Variants in TTC19 observed in about 807,000 individuals in gnomAD.
The protein encoded by TTC19 is tetratricopeptide repeat domain 19, also known as tetratricopeptide repeat protein 19, mitochondrial.
Under a neutral mutation model 49.5 loss-of-function variants are expected in TTC19, and 38 were observed. The ratio of observed to expected loss-of-function variants is 0.77; its 90% CI spans 0.59 to 1.01. TTC19 has a LOEUF of 1.01. Ranked by LOEUF, TTC19 falls within the 50% of genes least tolerant of loss-of-function variation. The pLI is 0.00. For missense variants in TTC19, 475 were observed against 477.7 expected, an observed-to-expected ratio of 0.99 and a Z score of 0.05; for synonymous variants, 204 against 185.2, an observed-to-expected ratio of 1.10 and a Z score of -0.83.
Position 16,027,667 on chromosome 17 carries a change from G to T in TTC19, c.*145G>T, listed in dbSNP as rs771164071. On this transcript the variant is annotated 3_prime_UTR_variant, in exon 10 of 10. Transcript: ENST00000261647. ...ATTTAGCCTTAGTGAAGGAGGGGTT[G>T]TACACACTGCCATTTTTGTATTTTA... The T allele has an allele frequency of 1.1e-6, 1 of 896,758 alleles. No homozygotes were observed. The highest frequency in any genetic ancestry group is 1.8e-6 in the Non-Finnish European group (1 of 561,274). 55.6% of individuals were successfully genotyped at this position (896,758 alleles called of 1,614,324 possible).
intron 2 of TTC19, among the ~76,000 whole-genome samples, chr17:16,042,830 T>C (rs1199722250): frequency 1.3e-5 from 2 of 152,196 alleles, no homozygotes; most frequent in Non-Finnish European, 1.5e-5. Flanking sequence ...GCCAGTAAGT[T>C]AGTCAAGAAG....
exon 3 of TTC19, chr17:16,044,888 GAAGA>G: frequency 4.2e-6 from 3 of 720,772 alleles, no homozygotes; most frequent in East Asian, 2.6e-5. Flanking sequence ...CTCCAGCTGA[GAAGA>G]AAGTGGAAGC....
intron 2 of TTC19, among the ~76,000 whole-genome samples, chr17:16,036,219 G>A (rs1388824207): frequency 6.6e-6 from 1 of 152,198 alleles, no homozygotes; most frequent in African/African-American, 2.4e-5. Flanking sequence ...GAGCTCTTGG[G>A]TGACTAAGTG....
At chr17:16,030,491 C>T (rs1237083891), downstream of TTC19, 1 of 200,424 alleles carries the variant, frequency 5.0e-6, no homozygotes, top group Non-Finnish European at 1.0e-5. Flanking sequence ...TTACCAGTAC[C>T]TGAAAAAAAA....
chr17:16,005,834 G>A (rs1970891175), intron 6 of TTC19, among the ~76,000 whole-genome samples: 1 of 152,324 alleles, frequency 6.6e-6, no homozygotes, highest in African/African-American at 2.4e-5. Context: ...ACTTTGAACA[G>A]GGGTAAGGCT....
Position 16,026,930 on chromosome 17 carries a change from T to A in TTC19, c.994+228T>A, listed in dbSNP as rs1971580845. 3 of 604,048 alleles carry A rather than the reference T, an allele frequency of 5.0e-6. No homozygotes were observed. In the East Asian group the frequency reaches 8.7e-5, roughly 18 times the overall value. 37.4% of individuals were successfully genotyped at this position (604,048 alleles called of 1,614,324 possible). ...ACTAGCCTGTCGAACCCCATCAAGC[T>A]GGAGAAAACCTTGCAATGATAGTAC... is the stretch of plus-strand genomic sequence containing the variant. On this transcript the variant is annotated intron_variant, in intron 9 of 9. Coordinates refer to ENST00000261647, the MANE Select transcript of TTC19 (RefSeq NM_017775.4).
chr17:16,041,188 G>C (rs2057495526), intron 2 of TTC19: 1 of 152,158 alleles, frequency 6.6e-6, no homozygotes, highest in Non-Finnish European at 1.5e-5. Context: ...TTTCATTCCT[G>C]CTGACTGTGC....
intron 7 of TTC19, among the ~76,000 whole-genome samples, chr17:16,020,550 A>G (rs1025111464): frequency 6.6e-6 from 1 of 152,124 alleles, no homozygotes; most frequent in African/African-American, 2.4e-5. Flanking sequence ...ATTTGTAATG[A>G]CATCTCTATA....
chr17:16,027,150 G>C (rs946660342), intron 9 of TTC19: 2 of 576,200 alleles, frequency 3.5e-6, no homozygotes, highest in Non-Finnish European at 6.1e-6. Flanking sequence ...GAAATCTTGG[G>C]CTCATCAAAG....
chr17:16,044,880 C>T, exon 3 of TTC19: 1 of 754,878 alleles, frequency 1.3e-6, no homozygotes, highest in Admixed American at 2.0e-5. Flanking sequence ...TGCTGCTGCT[C>T]CAGCTGAGAA....
intron 2 of TTC19, chr17:16,040,958 A>G (rs1359914127): frequency 6.0e-6 from 1 of 167,632 alleles, no homozygotes; most frequent in Non-Finnish European, 1.3e-5. Context: ...AACAAATAGG[A>G]AAATGCTGTT....
chr17:16,030,907 A>G (rs1354100109), downstream of TTC19: 1 of 193,632 alleles, frequency 5.2e-6, no homozygotes, highest in Non-Finnish European at 1.1e-5. Context: ...GAAAGTCTGT[A>G]AAGTGCTAAT....
chr17:16,034,010 T>C (rs1414834164), downstream of TTC19, among the ~76,000 whole-genome samples: 2 of 152,206 alleles, frequency 1.3e-5, no homozygotes, highest in Non-Finnish European at 2.9e-5. Flanking sequence ...GATGGCTTTT[T>C]AAACTAGTCT....
In TTC19 at chr17:16,029,155, G is replaced by C; in HGVS notation, c.*1633G>C. On this transcript the variant is annotated 3_prime_UTR_variant, in exon 10 of 10. Transcript: ENST00000261647. The stretch of plus-strand genomic sequence containing the variant: ...TTCACAACTGCAGGGGTTACTGAAA[G>C]GTTTTTCATTCCAAGTTTTATTTAT... 2.2e-6 allele frequency: 1 copy of C among 452,846 alleles called. No individual in the cohort carries two copies. Among genetic ancestry groups the C allele is most frequent in the South Asian group, 1.6e-5 (1 of 63,994 alleles). The allele number at this position is 452,846 out of a possible 1,614,324, so 28.1% of individuals were successfully genotyped here.
At chr17:16,021,499 GT>G (rs532897752) in intron 7 of TTC19, among the ~76,000 whole-genome samples, 18 of 152,248 alleles carry the variant, frequency 1.2e-4, no homozygotes, top group Non-Finnish European at 7.3e-5. Context: ...AAAGTGCTAT[GT>G]AGATATTTAT....
At chr17:16,004,357 C>G in intron 6 of TTC19, 95 bp downstream of exon 6, 1 of 1,214,268 alleles carries the variant, frequency 8.2e-7, no homozygotes, top group South Asian at 1.2e-5. Context: ...TCTGGGTCTC[C>G]CAGAAATTGG....
At position 16,027,781 on chromosome 17, in the gene TTC19, T is replaced by C. The variant is rs374130771; in HGVS notation, c.*259T>C. The C allele has an allele frequency of 7.3e-6, 4 of 549,696 alleles. No homozygotes were observed. In the East Asian group the frequency reaches 1.2e-4, roughly 17 times the overall value. 34.1% of individuals were successfully genotyped at this position (549,696 alleles called of 1,614,324 possible). The stretch of plus-strand genomic sequence containing the variant: ...TCAGTTGTAACACGTGACTTGGTGC[T>C]GTCCCTGCTGGTCTAAGTAGAACTG... On this transcript the variant is annotated 3_prime_UTR_variant, in exon 10 of 10. Transcript: ENST00000261647.
downstream of TTC19, among the ~76,000 whole-genome samples, chr17:16,034,124 G>T (rs964450708): frequency 6.6e-6 from 1 of 152,172 alleles, no homozygotes; most frequent in Non-Finnish European, 1.5e-5. Flanking sequence ...GTACATTCAG[G>T]TACAGTTCTC....
rs1232784256 is a variant in TTC19, at chr17:16,028,387, G to A, written c.*865G>A. Reference sequence around the variant, plus strand: ...TCTAATGTGTACTGCTGGTATAGCTGAACTACTGACCTGGATCTTAGTCCT... The same window carrying A: ...TCTAATGTGTACTGCTGGTATAGCTAAACTACTGACCTGGATCTTAGTCCT... On this transcript the variant is annotated 3_prime_UTR_variant, in exon 10 of 10. Coordinates refer to ENST00000261647, the MANE Select transcript of TTC19 (RefSeq NM_017775.4). The A allele has an allele frequency of 2.2e-6, 1 of 454,070 alleles. No homozygotes were observed. The highest frequency in any genetic ancestry group is 4.4e-6 in the Non-Finnish European group (1 of 226,786). The allele number at this position is 454,070 out of a possible 1,614,324, so 28.1% of individuals were successfully genotyped here. A position where few individuals can be genotyped will look rare whatever the true frequency, so the allele number is the denominator to read the frequency against.
Sources: allele counts gnomAD v4.1 joint callset (sites outside exome capture counted in the v4.1 genomes callset), GRCh38; gene constraint gnomAD v4.1.1; transcripts MANE v1.5; gene names NCBI Gene and HGNC (gene_info 2026-07-23, HGNC 2026-07-21).